TASP1: variants seen among roughly 807,000 people sequenced by gnomAD.
TASP1 encodes the protein taspase 1, also known as threonine aspartase 1.
TASP1 carries 16 observed loss-of-function variants against 56.6 expected under a neutral mutation model. The ratio of observed to expected loss-of-function variants is 0.28; its 90% CI spans 0.19 to 0.43. TASP1 has a LOEUF of 0.43. Ranked by LOEUF, TASP1 falls within the 20% of genes least tolerant of loss-of-function variation. TASP1 has a pLI of 1.00. For synonymous variants in TASP1, 179 were observed against 184.2 expected (o/e 0.97, Z 0.23); for missense variants, 393 against 511.6 (o/e 0.77, Z 2.24).
At chr20:13,246,120 AG>A in the TASP1 span, among the ~76,000 whole-genome samples, 5,507 of 152,190 alleles carry the variant, frequency 0.036, 173 homozygotes, top group African/African-American at 0.077. Flanking sequence ...TACACAAAAA[AG>A]AATTAGTCGG....
chr20:13,555,433 T>C (rs2046124119), intron 8 of TASP1, among the ~76,000 whole-genome samples: 1 of 147,122 alleles, frequency 6.8e-6, no homozygotes, highest in Non-Finnish European at 1.5e-5. Flanking sequence ...ATTTCAACCA[T>C]ACTTTCAGCA....
At chr20:13,213,047 G>A in the TASP1 span, among the ~76,000 whole-genome samples, 1 of 152,142 alleles carries the variant, frequency 6.6e-6, no homozygotes, top group African/African-American at 2.4e-5. Flanking sequence ...CATCTTAGAG[G>A]TGTCAGTTTG....
At chr20:13,331,841 C>T in the TASP1 span, among the ~76,000 whole-genome samples, 1 of 152,068 alleles carries the variant, frequency 6.6e-6, no homozygotes, top group South Asian at 2.1e-4. Context: ...GGACTGTGAC[C>T]ATCTTGCTCA....
At chr20:13,154,867 AC>A in the TASP1 span, among the ~76,000 whole-genome samples, 1 of 152,208 alleles carries the variant, frequency 6.6e-6, no homozygotes, top group Non-Finnish European at 1.5e-5. Context: ...ATGTAATTAT[AC>A]TAATTACATG....
the TASP1 span, among the ~76,000 whole-genome samples, chr20:13,278,810 C>T: frequency 6.6e-6 from 1 of 152,194 alleles, no homozygotes; most frequent in East Asian, 1.9e-4. Context: ...TCCACGATGG[C>T]CCTACTCACA....
the TASP1 span, chr20:13,160,206 G>C: frequency 2.7e-6 from 4 of 1,487,518 alleles, no homozygotes; most frequent in Non-Finnish European, 3.6e-6. Flanking sequence ...TGTTGAGACA[G>C]CTTGGGGTTC....
chr20:13,626,569 C>A (rs563315343), intron 2 of TASP1, among the ~76,000 whole-genome samples: 1 of 152,314 alleles, frequency 6.6e-6, no homozygotes, highest in South Asian at 2.1e-4. Context: ...AGAGAAAGCA[C>A]TCACCCACGA....
chr20:13,319,196 AT>A, the TASP1 span, among the ~76,000 whole-genome samples: 1 of 151,970 alleles, frequency 6.6e-6, no homozygotes, highest in Non-Finnish European at 1.5e-5. Flanking sequence ...ACAATAGTCT[AT>A]TTTTTAAGTG....
At chr20:13,445,894 T>C (rs1048823384) in intron 11 of TASP1, among the ~76,000 whole-genome samples, 4 of 152,136 alleles carry the variant, frequency 2.6e-5, no homozygotes, top group African/African-American at 9.7e-5. Flanking sequence ...AAGCCATGAA[T>C]TTGAGAAGTA....
At chr20:13,327,701 T>G in the TASP1 span, among the ~76,000 whole-genome samples, 38 of 152,150 alleles carry the variant, frequency 2.5e-4, no homozygotes, top group Non-Finnish European at 1.5e-5. Context: ...AAACAAGCAA[T>G]GGGGAAATGA....
intron 13 of TASP1, among the ~76,000 whole-genome samples, chr20:13,396,523 G>T (rs2041544591): frequency 6.6e-6 from 1 of 152,142 alleles, no homozygotes; most frequent in Admixed American, 6.5e-5. Context: ...GGGTTAGATG[G>T]TCTCTAGAGC....
the TASP1 span, chr20:13,279,555 C>A: frequency 4.2e-6 from 6 of 1,416,672 alleles, no homozygotes; most frequent in Non-Finnish European, 5.8e-6. Context: ...CCTCTGCCCT[C>A]TCAGACTTTC....
the TASP1 span, among the ~76,000 whole-genome samples, chr20:13,125,656 T>C: frequency 6.6e-6 from 1 of 152,214 alleles, no homozygotes; most frequent in Non-Finnish European, 1.5e-5. Flanking sequence ...CTGGGGTAGC[T>C]TCAGCTGGAA....
chr20:13,114,987 C>A, the TASP1 span, among the ~76,000 whole-genome samples: 1 of 152,206 alleles, frequency 6.6e-6, no homozygotes, highest in Non-Finnish European at 1.5e-5. Context: ...CAAGTCCCTG[C>A]ACAGAGCTTC....
the TASP1 span, among the ~76,000 whole-genome samples, chr20:13,320,463 TA>T: frequency 6.6e-6 from 1 of 152,182 alleles, no homozygotes; most frequent in Non-Finnish European, 1.5e-5. Flanking sequence ...CTGGTTAATT[TA>T]AAAAGAAAAG....
At chr20:13,165,230 A>T in the TASP1 span, 1 of 185,470 alleles carries the variant, frequency 5.4e-6, no homozygotes, top group Non-Finnish European at 1.1e-5. Flanking sequence ...ATTTTTATTC[A>T]GTAAGTTCAC....
chr20:13,289,383 G>T, the TASP1 span, among the ~76,000 whole-genome samples: 1 of 152,178 alleles, frequency 6.6e-6, no homozygotes, highest in Non-Finnish European at 1.5e-5. Flanking sequence ...AGTTGCCAAA[G>T]GCTCCCAGGA....
At chr20:13,394,641 A>T (rs1314109231) in intron 13 of TASP1, among the ~76,000 whole-genome samples, 1 of 150,778 alleles carries the variant, frequency 6.6e-6, no homozygotes, top group Non-Finnish European at 1.5e-5. Flanking sequence ...TTTTTTTTTT[A>T]AAGTATAGAC....
the TASP1 span, among the ~76,000 whole-genome samples, chr20:13,347,192 CCTT>C: frequency 6.6e-6 from 1 of 152,152 alleles, no homozygotes; most frequent in Non-Finnish European, 1.5e-5. Flanking sequence ...TGAGGGGAGT[CCTT>C]CTTTGCTTCC....
Sources: allele counts gnomAD v4.1 joint callset (sites outside exome capture counted in the v4.1 genomes callset), GRCh38; gene constraint gnomAD v4.1.1; transcripts MANE v1.5; gene names NCBI Gene and HGNC (gene_info 2026-07-23, HGNC 2026-07-21).